HSD17B2: variants seen among roughly 807,000 people sequenced by gnomAD.
HSD17B2 encodes the protein 17-beta-hydroxysteroid dehydrogenase type 2.
A neutral mutation model predicts 26.9 loss-of-function variants in HSD17B2; 32 were observed. The observed-to-expected ratio is 1.19, with a 90% CI of 0.90 to 1.60. The LOEUF (loss-of-function observed/expected upper bound fraction) is 1.60. Ranked by LOEUF, HSD17B2 falls within the 40% of genes most tolerant of loss-of-function variation. The pLI is 0.00. For missense variants in HSD17B2, 613 were observed against 468.6 expected, an observed-to-expected ratio of 1.31 and a Z score of -2.85; for synonymous variants, 246 against 186.7, an observed-to-expected ratio of 1.32 and a Z score of -2.59.
At chr16:82,086,613 T>C (rs1233193957) in intron 3 of HSD17B2, among the ~76,000 whole-genome samples, 2 of 152,172 alleles carry the variant, frequency 1.3e-5, no homozygotes, top group African/African-American at 4.8e-5. Context: ...GAAGAGGGGA[T>C]GATTTTTCGT....
chr16:82,052,033 T>C (rs929482326), intron 1 of HSD17B2, among the ~76,000 whole-genome samples: 4 of 152,242 alleles, frequency 2.6e-5, no homozygotes, highest in Non-Finnish European at 4.4e-5. Flanking sequence ...CAGTGCCTTA[T>C]ACAGAGCCAA....
Position 82,035,673 on chromosome 16 carries a change from G to T in HSD17B2, c.249G>T (p.Lys83Asn), listed in dbSNP as rs1196643065. 1.2e-6 allele frequency: 2 copies of T among 1,613,710 alleles called. No homozygotes were observed. The highest frequency in any genetic ancestry group is 2.7e-5 in the African/African-American group (2 of 74,924). Reference protein sequence around the residue: ...SGQELLPVDQKAVLVTGGDCG... With the variant: ...SGQELLPVDQNAVLVTGGDCG... ...AAGAATTGTTACCTGTGGATCAGAA[G>T]GCAGTCCTGGTGACAGGTAAGCAGA... The change falls in exon 1 of 5, where the codon AAG becomes AAT. Residue 83 changes from lysine (K) to asparagine (N), a missense_variant. Physicochemically the swap from Lys to Asn is moderately conservative, Grantham distance 94 (BLOSUM62 0). Transcript: ENST00000199936.
At chr16:82,091,188 A>T (rs1202759006) in intron 4 of HSD17B2, 149 bp downstream of exon 4, 2 of 799,684 alleles carry the variant, frequency 2.5e-6, no homozygotes, top group Middle Eastern at 2.2e-4. Context: ...AACAGGTTTG[A>T]TTCAGTAACT....
chr16:82,087,389 C>A (rs1463409633), intron 3 of HSD17B2, among the ~76,000 whole-genome samples: 1 of 152,174 alleles, frequency 6.6e-6, no homozygotes, highest in Non-Finnish European at 1.5e-5. Flanking sequence ...CCTTAAGACA[C>A]AGCGGCTCTT....
chr16:82,072,396 T>C (rs1357268882), intron 3 of HSD17B2, among the ~76,000 whole-genome samples: 1 of 152,244 alleles, frequency 6.6e-6, no homozygotes, highest in Non-Finnish European at 1.5e-5. Context: ...GTTCTGAACT[T>C]AGCCTTTACA....
chr16:82,090,255 A>G (rs2142366124), intron 3 of HSD17B2: 2 of 926,628 alleles, frequency 2.2e-6, no homozygotes, highest in Non-Finnish European at 2.6e-6. Flanking sequence ...AGGCTAGAAG[A>G]TCAGGGCCTG....
In HSD17B2 at chr16:82,098,447, C is replaced by T; in HGVS notation, c.*11C>T. The T allele has an allele frequency of 4.4e-6, 7 of 1,574,520 alleles. No homozygotes were observed. The highest frequency in any genetic ancestry group is 6.0e-6 in the Non-Finnish European group (7 of 1,163,078). ...AAAAAGGCCACCTAGGCAATGGAAG[C>T]CCTCAAAGAAGTCGGAATGTCATAG... On this transcript the variant is annotated 3_prime_UTR_variant, in exon 5 of 5. Coordinates refer to ENST00000199936, the MANE Select transcript of HSD17B2 (RefSeq NM_002153.3).
intron 1 of HSD17B2, among the ~76,000 whole-genome samples, chr16:82,043,543 G>A (rs1350174941): frequency 7.0e-6 from 1 of 142,234 alleles, no homozygotes; most frequent in Non-Finnish European, 1.5e-5. Context: ...AATCAGCCGG[G>A]CGCCGTGGCA....
At chr16:82,053,032 A>G (rs907968242) in intron 1 of HSD17B2, among the ~76,000 whole-genome samples, 4 of 152,234 alleles carry the variant, frequency 2.6e-5, no homozygotes, top group Non-Finnish European at 4.4e-5. Context: ...GACCTTATCT[A>G]GACCTAATTA....
At chr16:82,088,188 G>A (rs1300888433) in intron 3 of HSD17B2, among the ~76,000 whole-genome samples, 3 of 152,158 alleles carry the variant, frequency 2.0e-5, no homozygotes, top group African/African-American at 4.8e-5. Context: ...AATCCACATA[G>A]TAAACAACGG....
At chr16:82,042,000 T>C (rs1043583331) in intron 1 of HSD17B2, among the ~76,000 whole-genome samples, 1 of 151,684 alleles carries the variant, frequency 6.6e-6, no homozygotes, top group Non-Finnish European at 1.5e-5. Context: ...TTCTTTTCTT[T>C]TTTTTTTTTT....
chr16:82,098,431 A>C lies in HSD17B2; in HGVS notation c.1159A>C (p.Thr387Pro). 1 of 1,594,508 alleles carries C rather than the reference A, an allele frequency of 6.3e-7. No homozygotes were observed. The part of the protein sequence containing the change: ...LRMPNYKKKA[T>P] The stretch of plus-strand genomic sequence containing the variant: ...AATGCCTAACTACAAGAAAAAGGCC[A>C]CCTAGGCAATGGAAGCCCTCAAAGA... Residue 387 changes from threonine (T) to proline (P), a missense_variant, in exon 5 of 5, where the codon ACC (threonine) becomes CCC (proline). Physicochemically the swap from Thr to Pro is conservative, Grantham distance 38. Transcript: ENST00000199936.
chr16:82,064,934 G>C (rs1262880224), intron 1 of HSD17B2, among the ~76,000 whole-genome samples: 17 of 152,220 alleles, frequency 1.1e-4, no homozygotes, highest in Non-Finnish European at 2.5e-4. Context: ...TCTTTGGTCA[G>C]ACAGTATCGG....
At chr16:82,084,660 C>T (rs552176300) in intron 3 of HSD17B2, among the ~76,000 whole-genome samples, 14 of 152,228 alleles carry the variant, frequency 9.2e-5, no homozygotes, top group Admixed American at 2.0e-4. Flanking sequence ...AAACCTTTCT[C>T]GGGCCAGTTT....
At chr16:82,045,182 G>T (rs984236367) in intron 1 of HSD17B2, among the ~76,000 whole-genome samples, 1 of 151,292 alleles carries the variant, frequency 6.6e-6, no homozygotes, top group Non-Finnish European at 1.5e-5. Flanking sequence ...TCTGAATAGC[G>T]GATGCTGTGT....
At chr16:82,094,872 T>C (rs908047153) in intron 4 of HSD17B2, 1 of 152,212 alleles carries the variant, frequency 6.6e-6, no homozygotes, top group Non-Finnish European at 1.5e-5. Flanking sequence ...AGCCCCATCT[T>C]GCAGTGAGAA....
At chr16:82,075,736 C>A (rs1156670160) in intron 3 of HSD17B2, among the ~76,000 whole-genome samples, 1 of 151,906 alleles carries the variant, frequency 6.6e-6, no homozygotes, top group Non-Finnish European at 1.5e-5. Flanking sequence ...AGTCTGCAAG[C>A]AAAGAAAAGG....
rs1044599674 is a variant in HSD17B2, at chr16:82,044,962, A to C, written c.265+9273A>C. Among the ~76,000 whole-genome samples the C allele has an allele frequency of 5.1e-4, 77 of 152,164 alleles. 1 individual carries two copies. Among genetic ancestry groups the C allele is most frequent in the African/African-American group, 1.7e-3 (71 of 41,526 alleles). On this transcript the variant is annotated intron_variant, in intron 1 of 4. Transcript: ENST00000199936. Reference sequence around the variant, plus strand: ...GCGAAACCCAATCTCTACTAAAAATACAAAAATTATTAGGGCATGGTGGTG... The same window carrying C: ...GCGAAACCCAATCTCTACTAAAAATCCAAAAATTATTAGGGCATGGTGGTG...
intron 1 of HSD17B2, among the ~76,000 whole-genome samples, chr16:82,040,022 C>A (rs1464086613): frequency 6.6e-6 from 1 of 152,128 alleles, no homozygotes; most frequent in Non-Finnish European, 1.5e-5. Flanking sequence ...GGTATTCCAG[C>A]CTAATTGGTT....
Sources: allele counts gnomAD v4.1 joint callset (sites outside exome capture counted in the v4.1 genomes callset), GRCh38; gene constraint gnomAD v4.1.1; transcripts MANE v1.5; gene names NCBI Gene and HGNC (gene_info 2026-07-23, HGNC 2026-07-21).